The following RPS6KA1 variants were observed in gnomAD, a reference collection of about 807,000 sequenced individuals.
The protein encoded by RPS6KA1 is ribosomal protein S6 kinase alpha-1.
Under a neutral mutation model 91.3 loss-of-function variants are expected in RPS6KA1, and 48 were observed. That is an observed-to-expected ratio of 0.53 (90% CI 0.42 to 0.67). The LOEUF (loss-of-function observed/expected upper bound fraction) is 0.67. RPS6KA1 is among the 30% of genes least tolerant of loss of function. The probability of loss-of-function intolerance (pLI) is 0.00; values close to 1 mark genes in which losing one functional copy is unlikely to be tolerated. For missense variants in RPS6KA1, 719 were observed against 960.5 expected, an observed-to-expected ratio of 0.75 and a Z score of 3.32; for synonymous variants, 359 against 384.7, an observed-to-expected ratio of 0.93 and a Z score of 0.78.
At chr1:26,534,353 C>T (rs11591216) in intron 1 of RPS6KA1, among the ~76,000 whole-genome samples, 18,521 of 152,088 alleles carry the variant, frequency 0.12, 1,316 homozygotes, top group Non-Finnish European at 0.16. Context: ...GGCCCCTTCC[C>T]GAGTTAACCT....
At chr1:26,537,932 T>C (rs1190198115) in intron 2 of RPS6KA1, among the ~76,000 whole-genome samples, 1 of 152,184 alleles carries the variant, frequency 6.6e-6, no homozygotes, top group Admixed American at 6.5e-5. Context: ...GCACCGAAAA[T>C]GTCCTAGTAT....
At chr1:26,573,130 G>A (rs533050432) in intron 20 of RPS6KA1, 94 bp from the exon 21 acceptor site, 20 of 1,347,396 alleles carry the variant, frequency 1.5e-5, no homozygotes, top group East Asian at 1.2e-4. Flanking sequence ...GGGTTCAGGC[G>A]GGAGCTAGCA....
intron 4 of RPS6KA1, among the ~76,000 whole-genome samples, chr1:26,550,778 A>G (rs1442643600): frequency 6.6e-6 from 1 of 152,236 alleles, no homozygotes; most frequent in East Asian, 1.9e-4. Context: ...TGGCAAATTA[A>G]GGAGCGCTTC....
At chr1:26,573,534 G>A (rs561749978) in intron 21 of RPS6KA1, among the ~76,000 whole-genome samples, 173 bp downstream of exon 21, 3 of 152,290 alleles carry the variant, frequency 2.0e-5, no homozygotes, top group Non-Finnish European at 2.9e-5. Flanking sequence ...ACAGTGTCAC[G>A]GTGCACTCAC....
intron 2 of RPS6KA1, 119 bp downstream of exon 2, chr1:26,537,088 A>G: frequency 9.6e-7 from 1 of 1,039,582 alleles, no homozygotes; most frequent in Non-Finnish European, 1.5e-6. Flanking sequence ...CGTCCTTCTC[A>G]GGGCCCACCG....
intron 1 of RPS6KA1, among the ~76,000 whole-genome samples, chr1:26,535,661 G>A (rs1286656106): frequency 2.6e-5 from 4 of 152,144 alleles, no homozygotes; most frequent in Non-Finnish European, 4.4e-5. Context: ...AGACTGACCA[G>A]AGGGGGGCTC....
Position 26,555,097 on chromosome 1 carries a change from G to A in RPS6KA1, c.757-54G>A. On this transcript the variant is annotated intron_variant, in intron 9 of 21. Transcript: ENST00000374168. This position sits in a 1 kb window ranked among gnomAD's most constrained non-coding sequence, Gnocchi z 4.3. Reference sequence around the variant, plus strand: ...AGAGGGGTCTGACTGGGAGGAGGCGGGAGGTGTGTCGGAGACAGGGATCAG... The same window carrying A: ...AGAGGGGTCTGACTGGGAGGAGGCGAGAGGTGTGTCGGAGACAGGGATCAG... The A allele has an allele frequency of 1.3e-6, 2 of 1,550,572 alleles. No individual in the cohort carries two copies. The highest frequency in any genetic ancestry group is 1.1e-5 in the South Asian group (1 of 89,600).
rs2076275357 is a variant in RPS6KA1 at position 26,574,114 on chromosome 1, C to T, written c.2121C>T (p.Ser707=). The T allele has an allele frequency of 1.2e-6, 2 of 1,614,178 alleles. No individual in the cohort carries two copies. Among genetic ancestry groups the T allele is most frequent in the African/African-American group, 1.3e-5 (1 of 75,056 alleles). Residue 707 remains serine, a synonymous_variant, in exon 22 of 22, where the codon AGC becomes AGT. Coordinates refer to ENST00000374168, the MANE Select transcript of RPS6KA1 (RefSeq NM_002953.4). This position sits in a 1 kb window ranked among gnomAD's most constrained non-coding sequence, Gnocchi z 4.3. ...CTGCCACGTACTCCGCACTCAACAGCTCCAAGCCCACCCCCCAGCTGAAGC... is the reference window on the plus strand; with the variant it reads ...CTGCCACGTACTCCGCACTCAACAGTTCCAAGCCCACCCCCCAGCTGAAGC... The part of the protein sequence containing the change: ...AMAATYSALN[S]SKPTPQLKPI...
rs55711203 is a variant in RPS6KA1, at chr1:26,553,535, G to A, written c.575+38G>A. ...TCCAGCCCCACCCCAGCCTCCCCAG[G>A]GGAGGCCTCTTCTAGGACAGGGCCA... On this transcript the variant is annotated intron_variant, in intron 7 of 21. Transcript: ENST00000374168. The A allele has an allele frequency of 5.5e-3, 7,761 of 1,410,354 alleles. 331 individuals carry two copies. The African/African-American group carries it at 0.097, about 18-fold the overall frequency. The allele number at this position is 1,410,354 out of a possible 1,614,324, so 87.4% of individuals were successfully genotyped here.
At chr1:26,537,773 C>T (rs1238456848) in intron 2 of RPS6KA1, among the ~76,000 whole-genome samples, 1 of 152,230 alleles carries the variant, frequency 6.6e-6, no homozygotes, top group Admixed American at 6.5e-5. Flanking sequence ...CCAGTCCTGG[C>T]TCCATCCCCA....
At chr1:26,563,984 A>G (rs1273563632) in intron 17 of RPS6KA1, among the ~76,000 whole-genome samples, 1 of 152,128 alleles carries the variant, frequency 6.6e-6, no homozygotes, top group Non-Finnish European at 1.5e-5. Flanking sequence ...TTAGCTGGGC[A>G]TGGTGGCCCA....
In RPS6KA1 at chr1:26,561,688, T is replaced by C; in HGVS notation, c.1590+25T>C. 6.4e-7 allele frequency: 1 copy of C among 1,571,050 alleles called. No homozygotes were observed. The highest frequency in any genetic ancestry group is 8.6e-7 in the Non-Finnish European group (1 of 1,156,322). On this transcript the variant is annotated intron_variant, in intron 17 of 21. Coordinates refer to ENST00000374168, the MANE Select transcript of RPS6KA1 (RefSeq NM_002953.4). The surrounding 1 kb of genome is among the most constrained non-coding windows in gnomAD (Gnocchi z 5.7). ...GGTGAGTCTGGATTCGGGGAGGCAG[T>C]AGGGGGATGCCAAGGGTCATATCAT...
At chr1:26,562,828 T>C (rs1228852368) in intron 17 of RPS6KA1, among the ~76,000 whole-genome samples, 1 of 72,424 alleles carries the variant, frequency 1.4e-5, no homozygotes. Context: ...TATTGTCCTT[T>C]TTTTTTTTTT....
intron 11 of RPS6KA1, chr1:26,556,309 A>G: frequency 2.7e-6 from 1 of 369,584 alleles, no homozygotes. Context: ...TAAGAGGAAC[A>G]GAGATGAGGC....
chr1:26,557,206 G>A (rs1292655524), intron 13 of RPS6KA1, 106 bp downstream of exon 13: 1 of 837,410 alleles, frequency 1.2e-6, no homozygotes, highest in South Asian at 1.5e-5. Context: ...GACAGGCCGA[G>A]GTATGCGGGT....
In RPS6KA1 at chr1:26,561,415, A is replaced by T. The variant is rs987935805; in HGVS notation, c.1432-90A>T. The T allele has an allele frequency of 1.3e-6, 2 of 1,537,054 alleles. 1 individual carries two copies. The highest frequency in any genetic ancestry group is 2.3e-5 in the South Asian group (2 of 88,002). ...CAAGCAGAACACCTGCCCAAGGCTC[A>T]TGTCATTCTTCCCTGCTCTGGGGCG... On this transcript the variant is annotated intron_variant, in intron 16 of 21. Transcript: ENST00000374168. This position sits in a 1 kb window ranked among gnomAD's most constrained non-coding sequence, Gnocchi z 5.7.
chr1:26,564,726 T>C (rs563879934), intron 17 of RPS6KA1, among the ~76,000 whole-genome samples: 8 of 152,318 alleles, frequency 5.3e-5, no homozygotes, highest in African/African-American at 1.9e-4. Context: ...GGAAATTCTG[T>C]AAAAAAGAAC....
chr1:26,565,959 G>T (rs1044644684), intron 17 of RPS6KA1, among the ~76,000 whole-genome samples: 1 of 152,086 alleles, frequency 6.6e-6, no homozygotes, highest in African/African-American at 2.4e-5. Context: ...TCATTTCATT[G>T]CTGTGTACAA....
intron 21 of RPS6KA1, 125 bp from the exon 22 acceptor site, chr1:26,573,954 C>CA: frequency 8.8e-7 from 1 of 1,132,478 alleles, no homozygotes; most frequent in Non-Finnish European, 1.2e-6. Context: ...AAAAAAACAA[C>CA]AAAAACAAAA....
Sources: allele counts gnomAD v4.1 joint callset (sites outside exome capture counted in the v4.1 genomes callset), GRCh38; gene constraint gnomAD v4.1.1; non-coding constraint Gnocchi (gnomAD v3.1); transcripts MANE v1.5; gene names NCBI Gene and HGNC (gene_info 2026-07-23, HGNC 2026-07-21).